BANP: variants seen among roughly 807,000 people sequenced by gnomAD.
BANP encodes protein BANP.
In BANP, 11 loss-of-function variants were observed where a neutral mutation model predicts 68.1. The observed-to-expected ratio is 0.16, with a 90% CI of 0.10 to 0.27. The LOEUF is 0.27. BANP is among the 10% of genes least tolerant of loss of function. The probability of loss-of-function intolerance (pLI) is 1.00; values close to 1 mark genes in which losing one functional copy is unlikely to be tolerated. For missense variants in BANP, 504 were observed against 722.7 expected, an observed-to-expected ratio of 0.70 and a Z score of 3.47; for synonymous variants, 329 against 303.2, an observed-to-expected ratio of 1.09 and a Z score of -0.88.
intron 11 of BANP, 125 bp from the exon 12 acceptor site, chr16:88,065,142 G>A (rs1327358504): frequency 5.6e-6 from 3 of 536,114 alleles, no homozygotes; most frequent in Admixed American, 6.9e-5. Context: ...CATAACAAAC[G>A]ACCACAGACC....
chr16:88,046,737 G>A (rs1245089312), intron 11 of BANP, among the ~76,000 whole-genome samples: 1 of 151,608 alleles, frequency 6.6e-6, no homozygotes, highest in African/African-American at 2.4e-5. Context: ...TAGTAGACAC[G>A]GGGTTTCACC....
chr16:87,971,350 T>C (rs1465171852), intron 1 of BANP, among the ~76,000 whole-genome samples: 2 of 152,196 alleles, frequency 1.3e-5, no homozygotes, highest in Non-Finnish European at 2.9e-5. Flanking sequence ...TTTCCGAAGC[T>C]TGTTTGTTGC....
At position 87,984,310 on chromosome 16, in the gene BANP, C is replaced by G. The variant is rs576662808; in HGVS notation, c.362+51C>G. 5.5e-6 allele frequency: 8 copies of G among 1,446,980 alleles called. No homozygotes were observed. In the African/African-American group the frequency reaches 7.2e-5, roughly 13 times the overall value. 89.6% of individuals were successfully genotyped at this position (1,446,980 alleles called of 1,614,324 possible). Reference sequence around the variant, plus strand: ...CCTTCAGGTCACTTGGGGAGAAGCGCGTCACCTCCTCGCCCAGGCCCGCAG... The same window carrying G: ...CCTTCAGGTCACTTGGGGAGAAGCGGGTCACCTCCTCGCCCAGGCCCGCAG... On this transcript the variant is annotated intron_variant, in intron 4 of 13. Transcript: ENST00000682872.
intron 11 of BANP, among the ~76,000 whole-genome samples, chr16:88,051,781 A>G (rs73250900): frequency 0.017 from 2,552 of 152,322 alleles, 70 homozygotes; most frequent in African/African-American, 0.058. Flanking sequence ...GTACATTTTT[A>G]TAATTATGCA....
At chr16:87,981,608 C>T (rs2063296697) in intron 3 of BANP, among the ~76,000 whole-genome samples, 1 of 152,216 alleles carries the variant, frequency 6.6e-6, no homozygotes, top group Non-Finnish European at 1.5e-5. Flanking sequence ...TAGGATGTGG[C>T]TATATCACCA....
chr16:87,965,006 T>TGGCAGG (rs2059784657), intron 1 of BANP, among the ~76,000 whole-genome samples: 1 of 152,134 alleles, frequency 6.6e-6, no homozygotes, highest in African/African-American at 2.4e-5. Context: ...AGGTCTGAGC[T>TGGCAGG]GGCAGGGTGA....
At chr16:88,034,183 T>C (rs1735060132) in intron 9 of BANP, among the ~76,000 whole-genome samples, 1 of 152,166 alleles carries the variant, frequency 6.6e-6, no homozygotes, top group African/African-American at 2.4e-5. Context: ...CCCTTCCTCT[T>C]CCAAAGGAGA....
At chr16:87,964,718 A>G (rs1055555501) in intron 1 of BANP, among the ~76,000 whole-genome samples, 4 of 83,822 alleles carry the variant, frequency 4.8e-5, no homozygotes, top group African/African-American at 1.6e-4. Context: ...GCCGTATGTG[A>G]GCAGGTCTGA....
rs532842902 is a variant in BANP, at chr16:87,961,415, C to G, written c.-69+9900C>G. ...CTGGACTCACAGAATCTGCACCCCC[C>G]CGGGCCTCCCAAAGTGCTGGGATTA... On this transcript the variant is annotated intron_variant, in intron 1 of 13. Coordinates refer to ENST00000682872, the MANE Select transcript of BANP (RefSeq NM_001386991.1). Among the ~76,000 whole-genome samples, 118 of 145,578 alleles carry G rather than the reference C, an allele frequency of 8.1e-4. 3 individuals carry two copies. The South Asian group carries it at 0.022, about 27-fold the overall frequency.
intron 11 of BANP, among the ~76,000 whole-genome samples, chr16:88,046,582 G>A (rs1322365400): frequency 2.6e-5 from 4 of 151,764 alleles, no homozygotes; most frequent in Non-Finnish European, 4.4e-5. Context: ...GTCTTGCTCT[G>A]TTGCCCAGGC....
chr16:88,038,157 G>A, intron 11 of BANP, 146 bp downstream of exon 11: 1 of 643,504 alleles, frequency 1.6e-6, no homozygotes, highest in South Asian at 1.6e-5. Flanking sequence ...GCTCTCACGG[G>A]AGGGGTGGGA....
intron 7 of BANP, among the ~76,000 whole-genome samples, chr16:88,023,205 A>G (rs1226778343): frequency 6.6e-6 from 1 of 152,134 alleles, no homozygotes; most frequent in Non-Finnish European, 1.5e-5. Context: ...CAGGCAGAAA[A>G]GTGAGCAGAG....
rs960420560 is a variant in BANP, at chr16:88,003,903, T to C, written c.363-392T>C. The stretch of plus-strand genomic sequence containing the variant: ...TGAGTTGGGATGGAGTGACTGAAAA[T>C]GTCAAGCCAGTTCTCATGCAAGTGT... On this transcript the variant is annotated intron_variant, in intron 4 of 13. Transcript: ENST00000682872. This position sits in a 1 kb window ranked among gnomAD's most constrained non-coding sequence, Gnocchi z 6.1. 9.0e-5 allele frequency: 27 copies of C among 298,652 alleles called. No homozygotes were observed. The highest frequency in any genetic ancestry group is 6.0e-4 in the African/African-American group (27 of 45,246). 18.5% of individuals were successfully genotyped at this position (298,652 alleles called of 1,614,324 possible).
Position 88,027,597 on chromosome 16 carries a change from C to A in BANP, c.1010C>A (p.Ala337Glu). Residue 337 changes from alanine to glutamate, a missense_variant, in exon 8 of 14, where the codon GCG (alanine) becomes GAG (glutamate). Transcript: ENST00000682872. ...WRRKQRGQSLAVKSFSRRTPN... is the reference protein window; with the variant it reads ...WRRKQRGQSLEVKSFSRRTPN... ...CGCAAGCAGCGGGGCCAGAGCCTGG[C>A]GGTCAAGAGCTTCTCGCGGAGAACG... The A allele has an allele frequency of 6.2e-7, 1 of 1,613,956 alleles. No individual in the cohort carries two copies. The highest frequency in any genetic ancestry group is 8.5e-7 in the Non-Finnish European group (1 of 1,179,906).
At chr16:88,052,148 G>C (rs1243184460) in intron 11 of BANP, among the ~76,000 whole-genome samples, 1 of 152,154 alleles carries the variant, frequency 6.6e-6, no homozygotes, top group Non-Finnish European at 1.5e-5. Context: ...CTACTAAATT[G>C]TTACTAAAGA....
Position 87,989,613 on chromosome 16 carries a change from G to A in BANP, c.362+5354G>A, listed in dbSNP as rs570577866. ...CGGGTGACGGGGGATGCAGGCCCGC[G>A]TGGCTGCGCGCATCCAGGACACAGG... On this transcript the variant is annotated intron_variant, in intron 4 of 13. Coordinates refer to ENST00000682872, the MANE Select transcript of BANP (RefSeq NM_001386991.1). Among the ~76,000 whole-genome samples the A allele has an allele frequency of 5.2e-4, 74 of 142,072 alleles. 2 individuals carry two copies. Among genetic ancestry groups the A allele is most frequent in the Middle Eastern group, 3.6e-3 (1 of 278 alleles). 93.2% of individuals were successfully genotyped at this position (142,072 alleles called of 152,430 possible).
At position 88,071,359 on chromosome 16, in the gene BANP, T is replaced by C. The variant is rs1030771445; in HGVS notation, c.1378-710T>C. The C allele has an allele frequency of 2.5e-6, 1 of 397,580 alleles. No individual in the cohort carries two copies. Among genetic ancestry groups the C allele is most frequent in the African/African-American group, 2.1e-5 (1 of 48,224 alleles). 24.6% of individuals were successfully genotyped at this position (397,580 alleles called of 1,614,324 possible). A position where few individuals can be genotyped will look rare whatever the true frequency, so the allele number is the denominator to read the frequency against. ...CCTGGATGTTGGAGCGCCCAGTGGA[T>C]TGAGTGGGAAGTGGGCCTGGGTGCT... On this transcript the variant is annotated intron_variant, in intron 12 of 13. Coordinates refer to ENST00000682872, the MANE Select transcript of BANP (RefSeq NM_001386991.1). This position sits in a 1 kb window ranked among gnomAD's most constrained non-coding sequence, Gnocchi z 6.5.
chr16:88,042,049 T>G (rs1567848490), intron 11 of BANP, among the ~76,000 whole-genome samples: 1 of 152,226 alleles, frequency 6.6e-6, no homozygotes, highest in Non-Finnish European at 1.5e-5. Context: ...GAGAGCCACC[T>G]GCACCAAGGC....
chr16:87,969,225 G>A (rs887885139), intron 1 of BANP, among the ~76,000 whole-genome samples: 1 of 64,546 alleles, frequency 1.5e-5, no homozygotes, highest in African/African-American at 1.2e-4. Context: ...AATGCCTTAC[G>A]TTGTTTTGTT....
Sources: gnomAD v4.1 joint callset for allele counts (sites outside exome capture counted in the v4.1 genomes callset) on GRCh38, gnomAD v4.1.1 for gene constraint, Gnocchi (gnomAD v3.1) non-coding constraint, MANE v1.5 for transcripts, NCBI Gene and HGNC (gene_info 2026-07-23, HGNC 2026-07-21) for gene names.